Variants in INPP4B observed in about 807,000 individuals in gnomAD.
The protein encoded by INPP4B is inositol polyphosphate 4-phosphatase type II.
A neutral mutation model predicts 122.5 loss-of-function variants in INPP4B; 55 were observed. The observed-to-expected ratio is 0.45, with a 90% CI of 0.36 to 0.56. The LOEUF (loss-of-function observed/expected upper bound fraction) is 0.56. Ranked by LOEUF, INPP4B falls within the 20% of genes least tolerant of loss-of-function variation. The probability of loss-of-function intolerance (pLI) is 0.00; values close to 1 mark genes in which losing one functional copy is unlikely to be tolerated. For synonymous variants in INPP4B, 403 were observed against 388.7 expected (o/e 1.04, Z -0.43); for missense variants, 1,000 against 1,097.7 (o/e 0.91, Z 1.26).
chr4:142,473,000 C>A (rs539863047), intron 2 of INPP4B, among the ~76,000 whole-genome samples: 1 of 152,142 alleles, frequency 6.6e-6, no homozygotes, highest in Non-Finnish European at 1.5e-5. Flanking sequence ...CTGTTACCAA[C>A]AAAATCAAGG....
At chr4:142,362,248 A>T (rs927688317) in intron 7 of INPP4B, among the ~76,000 whole-genome samples, 3 of 152,026 alleles carry the variant, frequency 2.0e-5, no homozygotes, top group African/African-American at 7.2e-5. Context: ...AAGAACAGGG[A>T]GTAGGTGCAA....
chr4:142,582,610 A>G (rs1735343375), intron 2 of INPP4B, among the ~76,000 whole-genome samples: 1 of 152,154 alleles, frequency 6.6e-6, no homozygotes, highest in Non-Finnish European at 1.5e-5. Context: ...ATCTATAAAG[A>G]AAATGGTCTA....
intron 7 of INPP4B, among the ~76,000 whole-genome samples, chr4:142,320,804 G>A (rs978616875): frequency 6.6e-6 from 1 of 152,118 alleles, no homozygotes; most frequent in Admixed American, 6.5e-5. Context: ...CTCCATCCAC[G>A]TTGCTGTGAA....
intron 2 of INPP4B, among the ~76,000 whole-genome samples, chr4:142,523,052 A>C (rs769685729): frequency 2.0e-5 from 3 of 152,104 alleles, no homozygotes; most frequent in Non-Finnish European, 2.9e-5. Flanking sequence ...GACTAGAAAG[A>C]TGAGAATTAG....
At position 142,544,233 on chromosome 4, in the gene INPP4B, G is replaced by T. The variant is rs139730604; in HGVS notation, c.-190-81507C>A. On this transcript the variant is annotated intron_variant, in intron 2 of 25. Transcript: ENST00000262992. The stretch of plus-strand genomic sequence containing the variant: ...TAAGAGATGCCATGACTAAGAAGCA[G>T]AATAACCAGAAGCGTTACTATTGTG... Among the ~76,000 whole-genome samples, 211 of 151,582 alleles carry T rather than the reference G, an allele frequency of 1.4e-3. 2 individuals carry two copies. The highest frequency in any genetic ancestry group is 1.1e-3 in the Non-Finnish European group (73 of 67,942).
At chr4:142,208,287 G>T in intron 14 of INPP4B, 138 bp downstream of exon 14, 1 of 428,962 alleles carries the variant, frequency 2.3e-6, no homozygotes, top group Admixed American at 4.2e-5. Context: ...CAGAATTTAG[G>T]GTCATTATGA....
chr4:142,797,078 C>A (rs868112132), intron 1 of INPP4B, among the ~76,000 whole-genome samples: 3 of 151,826 alleles, frequency 2.0e-5, no homozygotes, highest in Admixed American at 1.3e-4. Context: ...CAGTGAAGTT[C>A]AAGAAAGCAA....
intron 2 of INPP4B, among the ~76,000 whole-genome samples, chr4:142,543,349 G>A (rs1340007418): frequency 6.6e-6 from 1 of 152,090 alleles, no homozygotes; most frequent in Non-Finnish European, 1.5e-5. Flanking sequence ...GTAAATATGA[G>A]TGCTTCTGTT....
intron 3 of INPP4B, among the ~76,000 whole-genome samples, chr4:142,439,177 C>T (rs1811180401): frequency 6.6e-6 from 1 of 152,152 alleles, no homozygotes; most frequent in African/African-American, 2.4e-5. Flanking sequence ...TATAGTCAGG[C>T]CATTTCTGCC....
At chr4:142,732,724 A>G (rs907233582) in intron 1 of INPP4B, among the ~76,000 whole-genome samples, 4 of 152,192 alleles carry the variant, frequency 2.6e-5, no homozygotes, top group African/African-American at 4.8e-5. Flanking sequence ...ATGCTCATAC[A>G]TGGAAGACTC....
chr4:142,072,643 C>A (rs1476940181), intron 25 of INPP4B, among the ~76,000 whole-genome samples: 1 of 150,726 alleles, frequency 6.6e-6, no homozygotes, highest in East Asian at 1.9e-4. Context: ...GACAAAGAAC[C>A]AATAATGACA....
Position 142,145,890 on chromosome 4 carries a change from T to A in INPP4B, c.1670A>T (p.Asp557Val), listed in dbSNP as rs765552008. 3 of 1,613,916 alleles carry A rather than the reference T, an allele frequency of 1.9e-6. No homozygotes were observed. The highest frequency in any genetic ancestry group is 1.1e-5 in the South Asian group (1 of 91,074). The stretch of plus-strand genomic sequence containing the variant: ...TGTTAATGAAGGTTCCTTTTCTCCA[T>A]CATTGTTGCCGCCACTGCCTTCACT... ...GGSEGSGGNNDGEKEPSLTDA... is the reference protein window; with the variant it reads ...GGSEGSGGNNVGEKEPSLTDA... The change falls in exon 18 of 26, where the codon GAT becomes GTT. Residue 557 changes from aspartate to valine, a missense_variant. By Grantham distance (152) the Asp-to-Val change is radical. Transcript: ENST00000262992.
chr4:142,230,602 C>A (rs1225063956), intron 12 of INPP4B, among the ~76,000 whole-genome samples: 1 of 145,932 alleles, frequency 6.9e-6, no homozygotes, highest in African/African-American at 2.5e-5. Context: ...GAGATCACAC[C>A]ATTGCACTCC....
intron 2 of INPP4B, among the ~76,000 whole-genome samples, chr4:142,643,458 G>A (rs981043861): frequency 2.5e-4 from 38 of 152,158 alleles, no homozygotes; most frequent in African/African-American, 8.7e-4. Context: ...AAGGAGGGGA[G>A]CAATTCAGTG....
chr4:142,276,440 A>T (rs746720253), intron 9 of INPP4B, among the ~76,000 whole-genome samples: 6 of 151,844 alleles, frequency 4.0e-5, no homozygotes, highest in Non-Finnish European at 8.8e-5. Flanking sequence ...ATAATGAAGT[A>T]TGGTTTAGTG....
At chr4:142,374,607 A>C (rs551637707) in intron 7 of INPP4B, among the ~76,000 whole-genome samples, 32 of 151,990 alleles carry the variant, frequency 2.1e-4, no homozygotes, top group African/African-American at 7.7e-4. Context: ...AGTTTTGTCA[A>C]GCTCATCAAA....
intron 2 of INPP4B, among the ~76,000 whole-genome samples, chr4:142,602,458 C>T (rs115073771): frequency 1.3e-4 from 20 of 151,858 alleles, no homozygotes; most frequent in East Asian, 5.8e-4. Context: ...GACATTCTTC[C>T]GAGAATTAGA....
intron 1 of INPP4B, among the ~76,000 whole-genome samples, chr4:142,803,721 T>C (rs986177875): frequency 6.6e-6 from 1 of 151,706 alleles, no homozygotes. Flanking sequence ...ACACTGATGT[T>C]AATCCTCAAT....
chr4:142,701,506 C>CAA (rs111658023), intron 2 of INPP4B, among the ~76,000 whole-genome samples: 133 of 103,138 alleles, frequency 1.3e-3, no homozygotes, highest in African/African-American at 4.4e-3. Flanking sequence ...ACCGAGCAGC[C>CAA]AAAAAAAAAA....
Sources: allele counts gnomAD v4.1 joint callset (sites outside exome capture counted in the v4.1 genomes callset), GRCh38; gene constraint gnomAD v4.1.1; transcripts MANE v1.5; gene names NCBI Gene and HGNC (gene_info 2026-07-23, HGNC 2026-07-21).